The following RASSF6 variants were observed in gnomAD, a reference collection of about 807,000 sequenced individuals.
The protein encoded by RASSF6 is Ras association domain family member 6, also known as ras association domain-containing protein 6.
In RASSF6, 52 loss-of-function variants were observed where a neutral mutation model predicts 44.0. The ratio of observed to expected loss-of-function variants is 1.18; its 90% CI spans 0.95 to 1.49. The LOEUF is 1.49. Ranked by LOEUF, RASSF6 falls within the 40% of genes most tolerant of loss-of-function variation. The pLI is 0.00. For synonymous variants in RASSF6, 162 were observed against 124.6 expected, an observed-to-expected ratio of 1.30 and a Z score of -2.00; for missense variants, 464 against 393.3, an observed-to-expected ratio of 1.18 and a Z score of -1.52.
chr4:73,588,228 T>C (rs1241173624), intron 4 of RASSF6, among the ~76,000 whole-genome samples: 1 of 152,074 alleles, frequency 6.6e-6, no homozygotes, highest in Non-Finnish European at 1.5e-5. Context: ...CCAAATTGAA[T>C]TAGTAGAAAC....
At chr4:73,618,301 T>TTATCTATCTATGTATCTATCTATC in intron 1 of RASSF6, among the ~76,000 whole-genome samples, 1 of 150,330 alleles carries the variant, frequency 6.7e-6, no homozygotes, top group East Asian at 2.0e-4. Context: ...TATAAAGTTG[T>TTATCTATCTATGTATCTATCTATC]TATCTATCTA....
intron 2 of RASSF6, among the ~76,000 whole-genome samples, chr4:73,607,280 C>T (rs187339066): frequency 6.6e-6 from 1 of 152,302 alleles, no homozygotes; most frequent in East Asian, 1.9e-4. Flanking sequence ...TTTGGTCTCT[C>T]TCCTGCCTTC....
chr4:73,597,443 G>C (rs1725004528), intron 3 of RASSF6, among the ~76,000 whole-genome samples: 1 of 152,200 alleles, frequency 6.6e-6, no homozygotes, highest in Admixed American at 6.5e-5. Flanking sequence ...ACACCAGTCA[G>C]AATGTCTATT....
chr4:73,602,300 G>A (rs1008634144), intron 2 of RASSF6, among the ~76,000 whole-genome samples: 3 of 152,298 alleles, frequency 2.0e-5, no homozygotes, highest in South Asian at 2.1e-4. Flanking sequence ...ATTTCAGTAC[G>A]AGACAAGATA....
chr4:73,593,511 TC>T lies in RASSF6; in HGVS notation c.226del (p.Asp76MetfsTer11), dbSNP rs768676259. Reference sequence around the variant, plus strand: ...AGTAAAAGAAGAGAATGGCTTCTCATCTTGTATTTTTAGCTGTATAGGTCGT... The same window carrying T: ...AGTAAAAGAAGAGAATGGCTTCTCATTTGTATTTTTAGCTGTATAGGTCGT... ...VKRPIQLKIQ[D>X]EKPFSSFTSM... On this transcript the variant is annotated frameshift_variant, in exon 4 of 11. Coordinates refer to ENST00000307439, the MANE Select transcript of RASSF6 (RefSeq NM_177532.5). LOFTEE classifies it high-confidence loss of function. The T allele has an allele frequency of 1.9e-6, 3 of 1,613,830 alleles. No homozygotes were observed. The South Asian group carries it at 3.3e-5, about 18-fold the overall frequency.
At chr4:73,609,210 A>T (rs1394468467) in intron 2 of RASSF6, among the ~76,000 whole-genome samples, 1 of 152,128 alleles carries the variant, frequency 6.6e-6, no homozygotes, top group East Asian at 1.9e-4. Context: ...ATTTTTTTTT[A>T]AATACATGGT....
At chr4:73,614,741 C>T (rs973515412) in intron 1 of RASSF6, among the ~76,000 whole-genome samples, 1 of 152,154 alleles carries the variant, frequency 6.6e-6, no homozygotes, top group Admixed American at 6.5e-5. Flanking sequence ...TCATAGCCAG[C>T]TTCAGAAGAC....
intron 2 of RASSF6, among the ~76,000 whole-genome samples, chr4:73,607,539 T>C (rs1320944422): frequency 6.6e-6 from 1 of 152,218 alleles, no homozygotes; most frequent in Non-Finnish European, 1.5e-5. Flanking sequence ...TGTTCTTTCA[T>C]AGAACTGGGT....
intron 1 of RASSF6, chr4:73,615,744 G>T: frequency 1.6e-6 from 1 of 623,032 alleles, no homozygotes. Context: ...TATAGGAGAG[G>T]TAGAATTGGT....
At position 73,593,452 on chromosome 4, in the gene RASSF6, C is replaced by G. The variant is rs1287901215; in HGVS notation, c.286G>C (p.Gly96Arg). The part of the protein sequence containing the change: ...MKSSDVFSSK[G>R]MTRWGEFDDL... The stretch of plus-strand genomic sequence containing the variant: ...TTAAAAACATGAAAGATAGCTTACC[C>G]TTTGCTGGAGAAGACGTCTGATGAC... The change falls in exon 4 of 11, where the codon GGA becomes CGA. Residue 96 changes from glycine (G) to arginine (R), a missense_variant and splice_region_variant. Coordinates refer to ENST00000307439, the MANE Select transcript of RASSF6 (RefSeq NM_177532.5). 38 of 1,599,878 alleles carry G rather than the reference C, an allele frequency of 2.4e-5. No individual in the cohort carries two copies. Among genetic ancestry groups the G allele is most frequent in the Non-Finnish European group, 3.1e-5 (36 of 1,175,706 alleles).
At position 73,593,493 on chromosome 4, in the gene RASSF6, G is replaced by T. The variant is rs144927031; in HGVS notation, c.245C>A (p.Ser82Tyr). The T allele has an allele frequency of 3.9e-4, 634 of 1,613,522 alleles. 2 individuals carry two copies. Among genetic ancestry groups the T allele is most frequent in the Non-Finnish European group, 2.3e-4 (269 of 1,179,838 alleles). ...LKIQDEKPFSSFTSMKSSDVF... is the reference protein window; with the variant it reads ...LKIQDEKPFSYFTSMKSSDVF... ...GTCTGATGACTTCATACTAGTAAAA[G>T]AAGAGAATGGCTTCTCATCTTGTAT... is the stretch of plus-strand genomic sequence containing the variant. The change falls in exon 4 of 11, where the codon TCT becomes TAT. Residue 82 changes from serine (S) to tyrosine (Y), a missense_variant. Coordinates refer to ENST00000307439, the MANE Select transcript of RASSF6 (RefSeq NM_177532.5).
chr4:73,595,689 T>A (rs1560451365), intron 3 of RASSF6, among the ~76,000 whole-genome samples: 1 of 139,462 alleles, frequency 7.2e-6, no homozygotes, highest in Non-Finnish European at 1.6e-5. Flanking sequence ...TTTTCCTAAA[T>A]TTTATATTTT....
At chr4:73,614,227 C>T (rs543515692) in intron 1 of RASSF6, among the ~76,000 whole-genome samples, 14 of 152,354 alleles carry the variant, frequency 9.2e-5, no homozygotes, top group African/African-American at 3.4e-4. Flanking sequence ...AGCCAAGCCA[C>T]CATCATCTTT....
chr4:73,579,146 A>G (rs184545323), intron 8 of RASSF6, among the ~76,000 whole-genome samples: 1 of 152,274 alleles, frequency 6.6e-6, no homozygotes, highest in Non-Finnish European at 1.5e-5. Flanking sequence ...CTATTGGCAT[A>G]AATCTACTCA....
At chr4:73,617,749 C>G (rs1197721015) in intron 1 of RASSF6, among the ~76,000 whole-genome samples, 1 of 152,142 alleles carries the variant, frequency 6.6e-6, no homozygotes, top group Non-Finnish European at 1.5e-5. Flanking sequence ...GTGATGAAAT[C>G]ACTATAATTT....
intron 6 of RASSF6, among the ~76,000 whole-genome samples, chr4:73,582,563 T>C (rs1723747947): frequency 6.6e-6 from 1 of 152,120 alleles, no homozygotes; most frequent in Non-Finnish European, 1.5e-5. Context: ...TAGTGCAGTT[T>C]AAGATTTCAA....
At chr4:73,606,365 G>T (rs1002743384) in intron 2 of RASSF6, among the ~76,000 whole-genome samples, 2 of 152,116 alleles carry the variant, frequency 1.3e-5, no homozygotes, top group Admixed American at 6.6e-5. Context: ...GTTTAACACC[G>T]GGTACACATG....
intron 5 of RASSF6, among the ~76,000 whole-genome samples, chr4:73,585,985 C>G (rs1408518572): frequency 1.2e-5 from 1 of 85,998 alleles, no homozygotes; most frequent in Non-Finnish European, 2.1e-5. Flanking sequence ...CCTCCCCCCT[C>G]CCCCCACCCC....
intron 2 of RASSF6, among the ~76,000 whole-genome samples, chr4:73,607,912 A>G (rs953932121): frequency 6.2e-5 from 1 of 16,134 alleles, no homozygotes; most frequent in East Asian, 1.9e-3. Context: ...CCTCCTCTCT[A>G]CTCTTCTTCC....
Sources: gnomAD v4.1 joint callset for allele counts (sites outside exome capture counted in the v4.1 genomes callset) on GRCh38, gnomAD v4.1.1 for gene constraint, MANE v1.5 for transcripts, NCBI Gene and HGNC (gene_info 2026-07-23, HGNC 2026-07-21) for gene names.